The following MARCO variants were observed in gnomAD, a reference collection of about 807,000 sequenced individuals.
The protein encoded by MARCO is macrophage receptor with collagenous structure.
MARCO carries 72 observed loss-of-function variants against 70.0 expected under a neutral mutation model. That is an observed-to-expected ratio of 1.03 (90% CI 0.85 to 1.25). The LOEUF (loss-of-function observed/expected upper bound fraction) is 1.25, where lower values mean the gene tolerates loss of function less well. Ranked by LOEUF, MARCO falls within the 50% of genes most tolerant of loss-of-function variation. The pLI is 0.00. For missense variants in MARCO, 696 were observed against 659.3 expected (o/e 1.06, Z -0.61); for synonymous variants, 273 against 243.1 (o/e 1.12, Z -1.14).
At chr2:118,948,820 T>G (rs1032448629) in intron 1 of MARCO, among the ~76,000 whole-genome samples, 6 of 152,288 alleles carry the variant, frequency 3.9e-5, no homozygotes, top group African/African-American at 1.4e-4. Context: ...TGTTTGTTTG[T>G]TTGTTTCTTG....
chr2:118,978,571 A>G (rs957126998), intron 8 of MARCO, among the ~76,000 whole-genome samples: 1 of 152,174 alleles, frequency 6.6e-6, no homozygotes, highest in Non-Finnish European at 1.5e-5. Context: ...AATGGCAGAG[A>G]GTGAGGATTG....
Position 118,994,586 on chromosome 2 carries a change from A to T in MARCO, c.*66A>T. ...GGGCTCATATGTGGGAAGGCAGAGG[A>T]TCTCTGAGGAGTTCCCTGGGGACAA... On this transcript the variant is annotated 3_prime_UTR_variant, in exon 17 of 17. Coordinates refer to ENST00000327097, the MANE Select transcript of MARCO (RefSeq NM_006770.4). The T allele has an allele frequency of 2.0e-6, 3 of 1,481,486 alleles. No homozygotes were observed. The highest frequency in any genetic ancestry group is 2.7e-5 in the South Asian group (2 of 73,842). 91.8% of individuals were successfully genotyped at this position (1,481,486 alleles called of 1,614,324 possible). A position where few individuals can be genotyped will look rare whatever the true frequency, so the allele number is the denominator to read the frequency against.
At chr2:118,949,691 C>T (rs1464406529) in intron 1 of MARCO, 3 of 152,126 alleles carry the variant, frequency 2.0e-5, no homozygotes, top group Non-Finnish European at 4.4e-5. Flanking sequence ...TAGGGCTTGA[C>T]CCAGGAACAA....
chr2:118,945,575 G>A (rs1241728580), intron 1 of MARCO, among the ~76,000 whole-genome samples: 2 of 151,886 alleles, frequency 1.3e-5, no homozygotes, highest in Non-Finnish European at 2.9e-5. Flanking sequence ...ACCATGCCCG[G>A]CTAACTTTTA....
At chr2:118,949,074 T>C (rs1000445214) in intron 1 of MARCO, among the ~76,000 whole-genome samples, 2 of 152,136 alleles carry the variant, frequency 1.3e-5, no homozygotes, top group African/African-American at 4.8e-5. Flanking sequence ...TGAGGTAAAA[T>C]TGGTTTTGGA....
chr2:118,981,045 C>T (rs968956112), intron 8 of MARCO, among the ~76,000 whole-genome samples: 8 of 152,120 alleles, frequency 5.3e-5, no homozygotes, highest in East Asian at 1.9e-4. Context: ...ATCTGCTTTT[C>T]GGAATACTCA....
In MARCO at chr2:118,942,490, G is replaced by C. The variant is rs566705213; in HGVS notation, c.97+93G>C. 1.1e-5 allele frequency: 12 copies of C among 1,061,458 alleles called. No homozygotes were observed. In the African/African-American group the frequency reaches 1.9e-4, roughly 17 times the overall value. The allele number at this position is 1,061,458 out of a possible 1,614,324, so 65.8% of individuals were successfully genotyped here. ...ATAGACAAGTCAATAGAAAGTCTAG[G>C]TTTGGCTTATTGCTGCATTTTGCAC... On this transcript the variant is annotated intron_variant, in intron 1 of 16. Coordinates refer to ENST00000327097, the MANE Select transcript of MARCO (RefSeq NM_006770.4).
At chr2:118,990,803 C>G (rs1191683697) in intron 13 of MARCO, among the ~76,000 whole-genome samples, 170 bp downstream of exon 13, 2 of 152,176 alleles carry the variant, frequency 1.3e-5, no homozygotes, top group South Asian at 4.2e-4. Context: ...GCTGCAAAAC[C>G]TGGGAACCAC....
chr2:118,981,063 A>G (rs1680378827), intron 8 of MARCO, among the ~76,000 whole-genome samples: 1 of 152,180 alleles, frequency 6.6e-6, no homozygotes, highest in Non-Finnish European at 1.5e-5. Context: ...TCAGGTTTCA[A>G]TTTTTGAAGT....
At chr2:118,994,298 G>A in intron 16 of MARCO, 89 bp from the exon 17 acceptor site, 1 of 1,472,374 alleles carries the variant, frequency 6.8e-7, no homozygotes, top group Non-Finnish European at 9.5e-7. Context: ...GTCCACCTCA[G>A]ATGGAAGCTC....
Position 118,986,546 on chromosome 2 carries a change from G to GAGGA in MARCO, c.1064-4031_1064-4028dup, listed in dbSNP as rs1290729771. Among the ~76,000 whole-genome samples the GAGGA allele has an allele frequency of 3.4e-3, 415 of 122,352 alleles. 20 individuals carry two copies. Among genetic ancestry groups the GAGGA allele is most frequent in the African/African-American group, 0.013 (372 of 29,116 alleles). 80.3% of individuals were successfully genotyped at this position (122,352 alleles called of 152,430 possible). ...AAGAAGAAAGAAAGAAAGAGAGAGA[G>GAGGA]AGGAAGGAAGGAAGGGAGGGAGGGA... On this transcript the variant is annotated intron_variant, in intron 12 of 16. Transcript: ENST00000327097.
chr2:118,980,302 A>C (rs772670767), intron 8 of MARCO, among the ~76,000 whole-genome samples: 3 of 152,196 alleles, frequency 2.0e-5, no homozygotes, highest in Non-Finnish European at 4.4e-5. Flanking sequence ...CCTCAGCCAT[A>C]ACCAAGTTCC....
intron 12 of MARCO, 139 bp from the exon 13 acceptor site, chr2:118,990,450 C>T (rs1680598988): frequency 8.8e-6 from 7 of 795,206 alleles, no homozygotes; most frequent in Non-Finnish European, 1.5e-5. Flanking sequence ...GCTGAAGAGG[C>T]TTTAAACAAT....
chr2:118,949,257 A>G lies in MARCO; in HGVS notation c.97+6860A>G, dbSNP rs569176812. On this transcript the variant is annotated intron_variant, in intron 1 of 16. Coordinates refer to ENST00000327097, the MANE Select transcript of MARCO (RefSeq NM_006770.4). ...GGACCATGCTAGTGGAAAGGCAACA[A>G]CGTGGGCCTCTGGCCTACCTTGCAC... The G allele has an allele frequency of 2.0e-5, 3 of 152,306 alleles. No individual in the cohort carries two copies. The South Asian group carries it at 6.2e-4, about 32-fold the overall frequency. The allele number at this position is 152,306 out of a possible 1,614,324, so 9.4% of individuals were successfully genotyped here. A position where few individuals can be genotyped will look rare whatever the true frequency, so the allele number is the denominator to read the frequency against.
At chr2:118,970,060 G>A in intron 2 of MARCO, 54 bp from the exon 3 acceptor site, 13 of 1,428,194 alleles carry the variant, frequency 9.1e-6, no homozygotes, top group Non-Finnish European at 1.3e-5. Context: ...AAGAATGTCA[G>A]GGATATGCTC....
At chr2:118,942,430 C>T in intron 1 of MARCO, 33 bp downstream of exon 1, 1 of 1,499,814 alleles carries the variant, frequency 6.7e-7, no homozygotes, top group Non-Finnish European at 9.3e-7. Flanking sequence ...TGGAAATGAC[C>T]AGAAATGTAG....
chr2:118,953,480 G>T (rs144500525), intron 1 of MARCO, among the ~76,000 whole-genome samples: 1 of 152,138 alleles, frequency 6.6e-6, no homozygotes, highest in Non-Finnish European at 1.5e-5. Context: ...GTTGATTTTT[G>T]TGTGTTCATC....
intron 1 of MARCO, among the ~76,000 whole-genome samples, chr2:118,950,435 C>T (rs898898712): frequency 1.4e-5 from 2 of 145,720 alleles, no homozygotes; most frequent in African/African-American, 5.4e-5. Context: ...AGTTTCAAAA[C>T]TTGCTTAAAC....
chr2:118,978,328 C>G (rs1312506394), intron 8 of MARCO, among the ~76,000 whole-genome samples: 1 of 152,160 alleles, frequency 6.6e-6, no homozygotes, highest in Non-Finnish European at 1.5e-5. Flanking sequence ...AGGGTGCTAT[C>G]TCTAGAACAG....
Sources: gnomAD v4.1 joint callset for allele counts (sites outside exome capture counted in the v4.1 genomes callset) on GRCh38, gnomAD v4.1.1 for gene constraint, MANE v1.5 for transcripts, NCBI Gene and HGNC (gene_info 2026-07-23, HGNC 2026-07-21) for gene names.